MARCHF1: variants seen among roughly 807,000 people sequenced by gnomAD.
The protein encoded by MARCHF1 is membrane associated ring-CH-type finger 1.
MARCHF1 carries 40 observed loss-of-function variants against 54.2 expected under a neutral mutation model. The observed-to-expected ratio is 0.74, with a 90% confidence interval of 0.57 to 0.96. The LOEUF is 0.96. MARCHF1 is among the 40% of genes least tolerant of loss of function. MARCHF1 has a pLI of 0.00. For synonymous variants in MARCHF1, 236 were observed against 236.3 expected, an observed-to-expected ratio of 1.00 and a Z score of 0.01; for missense variants, 586 against 656.5, an observed-to-expected ratio of 0.89 and a Z score of 1.17.
At chr4:163,607,889 A>G (rs1741195481) in intron 7 of MARCHF1, among the ~76,000 whole-genome samples, 1 of 152,114 alleles carries the variant, frequency 6.6e-6, no homozygotes, top group Non-Finnish European at 1.5e-5. Flanking sequence ...TCTGCATTTT[A>G]ACAAGCCCTC....
intron 2 of MARCHF1, among the ~76,000 whole-genome samples, chr4:164,066,348 C>T (rs34803676): frequency 0.68 from 102,847 of 151,986 alleles, 36,046 homozygotes; most frequent in Non-Finnish European, 0.78. Context: ...AGAGTGGTTA[C>T]TATTAAAAAG....
chr4:163,556,457 G>T (rs553163634), intron 8 of MARCHF1, among the ~76,000 whole-genome samples: 1 of 152,068 alleles, frequency 6.6e-6, no homozygotes, highest in Admixed American at 6.5e-5. Flanking sequence ...CATTGTTGAT[G>T]CTTATTCTCA....
chr4:163,932,677 G>T, intron 3 of MARCHF1: 1 of 496,834 alleles, frequency 2.0e-6, no homozygotes, highest in Non-Finnish European at 3.9e-6. Context: ...GCGGTTGGGG[G>T]CTGCAGGTCC....
At position 163,802,061 on chromosome 4, in the gene MARCHF1, A is replaced by G. The variant is rs534436818; in HGVS notation, c.111+51960T>C. ...ATTTCAGGAAACTGTTGAAGCATCA[A>G]TGATAGTTCTTTGCAGAGTTTTGAT... is the stretch of plus-strand genomic sequence containing the variant. On this transcript the variant is annotated intron_variant, in intron 4 of 9. Coordinates refer to ENST00000514618, the MANE Select transcript of MARCHF1 (RefSeq NM_001394959.1). 7.2e-5 allele frequency among the ~76,000 whole-genome samples: 11 copies of G among 152,256 alleles called. No individual in the cohort carries two copies. The South Asian group carries it at 1.7e-3, about 23-fold the overall frequency.
chr4:163,811,600 C>T (rs1748390280), intron 4 of MARCHF1, among the ~76,000 whole-genome samples: 1 of 151,958 alleles, frequency 6.6e-6, no homozygotes. Context: ...ATTTCCGATG[C>T]CTTGGCTGAA....
intron 8 of MARCHF1, among the ~76,000 whole-genome samples, chr4:163,554,429 G>T (rs976770707): frequency 2.0e-5 from 3 of 152,184 alleles, no homozygotes; most frequent in Non-Finnish European, 2.9e-5. Context: ...AGAGAGAGCT[G>T]GGGTAGGAGC....
intron 5 of MARCHF1, among the ~76,000 whole-genome samples, chr4:163,638,667 C>G (rs1173604414): frequency 6.6e-6 from 1 of 152,120 alleles, no homozygotes; most frequent in Non-Finnish European, 1.5e-5. Flanking sequence ...TCCCGGGTAT[C>G]TATCCAAAAG....
chr4:163,561,736 T>C (rs776133084), intron 8 of MARCHF1, among the ~76,000 whole-genome samples: 10 of 152,348 alleles, frequency 6.6e-5, no homozygotes, highest in Admixed American at 1.3e-4. Context: ...TTTGTGTAGT[T>C]ACTATTTGTA....
At chr4:163,717,577 C>A (rs1289996278) in intron 4 of MARCHF1, among the ~76,000 whole-genome samples, 1 of 152,140 alleles carries the variant, frequency 6.6e-6, no homozygotes, top group Non-Finnish European at 1.5e-5. Flanking sequence ...GCCACACTGA[C>A]TTCCACAATG....
intron 3 of MARCHF1, among the ~76,000 whole-genome samples, chr4:163,948,915 G>T (rs1313354169): frequency 6.6e-6 from 1 of 152,196 alleles, no homozygotes; most frequent in Non-Finnish European, 1.5e-5. Flanking sequence ...CCAAGTCTAG[G>T]GGATTGTGAA....
intron 3 of MARCHF1, among the ~76,000 whole-genome samples, chr4:163,932,209 G>T (rs1041249994): frequency 8.5e-5 from 13 of 152,106 alleles, no homozygotes; most frequent in Non-Finnish European, 1.3e-4. Flanking sequence ...GATGGCTGTT[G>T]ACTGACCATG....
chr4:164,377,287 G>A (rs7669081), intron 1 of MARCHF1, among the ~76,000 whole-genome samples: 12,468 of 152,222 alleles, frequency 0.082, 1,088 homozygotes, highest in East Asian at 0.28. Context: ...GGTATAACCT[G>A]AATTAACTAT....
At chr4:163,751,788 C>T (rs1018029160) in intron 4 of MARCHF1, among the ~76,000 whole-genome samples, 2 of 143,474 alleles carry the variant, frequency 1.4e-5, no homozygotes, top group African/African-American at 5.2e-5. Flanking sequence ...AATAAAATAT[C>T]CCAACACACA....
chr4:163,780,887 T>C (rs539871814), intron 4 of MARCHF1, among the ~76,000 whole-genome samples: 1 of 152,268 alleles, frequency 6.6e-6, no homozygotes, highest in Admixed American at 6.5e-5. Context: ...CCTCATTGAC[T>C]GTTGAGCTTG....
At chr4:164,195,857 T>C (rs1430974) in intron 1 of MARCHF1, among the ~76,000 whole-genome samples, 22,472 of 152,142 alleles carry the variant, frequency 0.15, 2,233 homozygotes, top group African/African-American at 0.26. Flanking sequence ...TTTATTTTTA[T>C]ACATGATATT....
At chr4:163,597,288 C>G (rs1394123432) in intron 7 of MARCHF1, among the ~76,000 whole-genome samples, 1 of 152,006 alleles carries the variant, frequency 6.6e-6, no homozygotes, top group East Asian at 1.9e-4. Flanking sequence ...TCAAATAGGA[C>G]AAAATATAAT....
At chr4:163,610,561 T>C (rs1347686773) in intron 7 of MARCHF1, among the ~76,000 whole-genome samples, 1 of 152,122 alleles carries the variant, frequency 6.6e-6, no homozygotes, top group African/African-American at 2.4e-5. Flanking sequence ...CATTAGATTA[T>C]GTTGGAAGCT....
At chr4:164,215,016 G>A (rs1366056773) in intron 1 of MARCHF1, among the ~76,000 whole-genome samples, 2 of 152,186 alleles carry the variant, frequency 1.3e-5, no homozygotes, top group African/African-American at 2.4e-5. Flanking sequence ...TGAAGCCCCA[G>A]TGGGCATCTG....
intron 8 of MARCHF1, among the ~76,000 whole-genome samples, chr4:163,570,426 T>C (rs1372582958): frequency 1.3e-5 from 2 of 152,106 alleles, no homozygotes; most frequent in African/African-American, 4.8e-5. Context: ...TAGGTATTAT[T>C]GCCAACCTTC....
Sources: gnomAD v4.1 joint callset for allele counts (sites outside exome capture counted in the v4.1 genomes callset) on GRCh38, gnomAD v4.1.1 for gene constraint, MANE v1.5 for transcripts, NCBI Gene and HGNC (gene_info 2026-07-23, HGNC 2026-07-21) for gene names.